CDKAL1: variants seen among roughly 807,000 people sequenced by gnomAD.
CDKAL1 encodes CDKAL1 threonylcarbamoyladenosine tRNA methylthiotransferase, also known as threonylcarbamoyladenosine tRNA methylthiotransferase.
A neutral mutation model predicts 68.2 loss-of-function variants in CDKAL1; 32 were observed. That is an observed-to-expected ratio of 0.47 (90% CI 0.35 to 0.63). CDKAL1 has a LOEUF of 0.63. Among genes scored for constraint, CDKAL1 ranks in the 30% least tolerant of loss-of-function variants. CDKAL1 has a pLI of 0.00. For missense variants in CDKAL1, 606 were observed against 696.7 expected (o/e 0.87, Z 1.47); for synonymous variants, 234 against 244.3 (o/e 0.96, Z 0.39).
chr6:21,059,238 C>G (rs1478191575), intron 11 of CDKAL1, among the ~76,000 whole-genome samples: 1 of 152,200 alleles, frequency 6.6e-6, no homozygotes, highest in Non-Finnish European at 1.5e-5. Context: ...TCCTCCTGGT[C>G]CAGACTGCCC....
intron 13 of CDKAL1, among the ~76,000 whole-genome samples, chr6:21,152,423 T>C (rs1202833563): frequency 1.3e-5 from 2 of 152,236 alleles, no homozygotes; most frequent in East Asian, 1.9e-4. Flanking sequence ...AATAAGGGTA[T>C]ACTCTTGAGT....
intron 9 of CDKAL1, among the ~76,000 whole-genome samples, chr6:20,911,785 C>T (rs988282025): frequency 6.6e-6 from 1 of 152,198 alleles, no homozygotes; most frequent in Non-Finnish European, 1.5e-5. Flanking sequence ...ATTTGTGACA[C>T]AGACTTTTAT....
intron 10 of CDKAL1, among the ~76,000 whole-genome samples, chr6:20,992,208 A>ATATATATGTATG (rs200094831): frequency 2.8e-5 from 4 of 144,604 alleles, no homozygotes; most frequent in African/African-American, 8.5e-5. Flanking sequence ...ATATATATAT[A>ATATATATGTATG]TATGTATTTT....
At chr6:20,664,249 C>G (rs1769423930) in intron 5 of CDKAL1, among the ~76,000 whole-genome samples, 2 of 152,046 alleles carry the variant, frequency 1.3e-5, no homozygotes, top group African/African-American at 4.8e-5. Context: ...TGCTCGCACG[C>G]TCAATGTAGA....
intron 10 of CDKAL1, among the ~76,000 whole-genome samples, chr6:20,981,970 T>C (rs1766173709): frequency 6.6e-6 from 1 of 152,232 alleles, no homozygotes; most frequent in Admixed American, 6.5e-5. Context: ...ATATTTGCAG[T>C]CTCTAAGTTT....
rs545742250 is a variant in CDKAL1 at position 21,201,383 on chromosome 6, A to G, written c.1548+109A>G. 12 of 906,996 alleles carry G rather than the reference A, an allele frequency of 1.3e-5. No homozygotes were observed. In the South Asian group the frequency reaches 1.9e-4, roughly 14 times the overall value. 56.2% of individuals were successfully genotyped at this position (906,996 alleles called of 1,614,324 possible). A position where few individuals can be genotyped will look rare whatever the true frequency, so the allele number is the denominator to read the frequency against. ...ATCATTTATAGTTCCCTTTTTATGT[A>G]TGCATGAGGCTTTAATCCTTTCTGA... On this transcript the variant is annotated intron_variant, in intron 15 of 15. Transcript: ENST00000274695.
intron 9 of CDKAL1, among the ~76,000 whole-genome samples, chr6:20,930,746 A>T (rs886719647): frequency 3.7e-4 from 52 of 142,304 alleles, no homozygotes; most frequent in Admixed American, 2.4e-3. Flanking sequence ...TATTATGTGT[A>T]TTTTTTTTTT....
At chr6:21,126,260 T>C (rs182581012) in intron 13 of CDKAL1, among the ~76,000 whole-genome samples, 2 of 152,332 alleles carry the variant, frequency 1.3e-5, no homozygotes, top group Admixed American at 1.3e-4. Context: ...TTCTTTCCTC[T>C]GTAGTTATAT....
At chr6:20,750,865 G>A (rs568461772) in intron 6 of CDKAL1, among the ~76,000 whole-genome samples, 94 of 146,220 alleles carry the variant, frequency 6.4e-4, no homozygotes, top group African/African-American at 2.3e-3. Flanking sequence ...TCAGGAGGCT[G>A]AGGCAGGAGA....
At chr6:20,764,075 CTT>C (rs146162508) in intron 7 of CDKAL1, among the ~76,000 whole-genome samples, 1,954 of 152,014 alleles carry the variant, frequency 0.013, 45 homozygotes, top group African/African-American at 0.043. Flanking sequence ...TCATTAAAAA[CTT>C]TTTTTTGTAT....
intron 12 of CDKAL1, among the ~76,000 whole-genome samples, chr6:21,088,018 G>A (rs1473855271): frequency 2.6e-5 from 4 of 152,160 alleles, no homozygotes; most frequent in South Asian, 2.1e-4. Context: ...GGCAGTATTC[G>A]GGCAGGAAAA....
At chr6:20,983,523 C>G (rs374481159) in intron 10 of CDKAL1, among the ~76,000 whole-genome samples, 2 of 152,130 alleles carry the variant, frequency 1.3e-5, no homozygotes, top group Non-Finnish European at 2.9e-5. Context: ...GAGTTGGAGA[C>G]CAGCCTGGCC....
chr6:21,080,404 G>C (rs1411193422), intron 12 of CDKAL1, among the ~76,000 whole-genome samples: 1 of 152,160 alleles, frequency 6.6e-6, no homozygotes, highest in African/African-American at 2.4e-5. Context: ...GTGTGCATGG[G>C]TGTGGGCTGA....
At chr6:21,080,427 C>T (rs564230376) in intron 12 of CDKAL1, among the ~76,000 whole-genome samples, 1 of 152,316 alleles carries the variant, frequency 6.6e-6, no homozygotes, top group African/African-American at 2.4e-5. Context: ...CAGTACCTCT[C>T]CTCCCAGGGA....
At chr6:20,603,041 C>T (rs564982879) in intron 4 of CDKAL1, among the ~76,000 whole-genome samples, 1 of 152,220 alleles carries the variant, frequency 6.6e-6, no homozygotes, top group African/African-American at 2.4e-5. Context: ...AGTTCGGAAA[C>T]AAGGAGGATA....
intron 13 of CDKAL1, among the ~76,000 whole-genome samples, chr6:21,193,726 C>T (rs1778352182): frequency 6.6e-6 from 1 of 152,128 alleles, no homozygotes; most frequent in African/African-American, 2.4e-5. Context: ...TGCTTCTGAC[C>T]TTTCATTGTC....
intron 9 of CDKAL1, among the ~76,000 whole-genome samples, chr6:20,907,732 T>C (rs1188435811): frequency 1.3e-5 from 2 of 151,204 alleles, no homozygotes; most frequent in Admixed American, 6.6e-5. Context: ...ATCAGAGGAG[T>C]CAGCAGCCAG....
chr6:21,071,097 A>G (rs1191019165), intron 12 of CDKAL1, among the ~76,000 whole-genome samples: 5 of 152,188 alleles, frequency 3.3e-5, no homozygotes, highest in African/African-American at 9.7e-5. Context: ...TTGAATTTTC[A>G]TAGATTTCCA....
chr6:20,640,642 A>G (rs182539804), intron 4 of CDKAL1, among the ~76,000 whole-genome samples: 2 of 152,340 alleles, frequency 1.3e-5, no homozygotes, highest in African/African-American at 4.8e-5. Flanking sequence ...GACAACTGTA[A>G]GGCCATGTAA....
Sources: gnomAD v4.1 joint callset for allele counts (sites outside exome capture counted in the v4.1 genomes callset) on GRCh38, gnomAD v4.1.1 for gene constraint, MANE v1.5 for transcripts, NCBI Gene and HGNC (gene_info 2026-07-23, HGNC 2026-07-21) for gene names.